Variants in C12orf42 observed in about 807,000 individuals in gnomAD.
The protein encoded by C12orf42 is chromosome 12 open reading frame 42.
C12orf42 carries 25 observed loss-of-function variants against 21.6 expected under a neutral mutation model. The observed-to-expected ratio is 1.16, with a 90% CI of 0.84 to 1.62. C12orf42 has a LOEUF of 1.62. Ranked by LOEUF, C12orf42 falls within the 40% of genes most tolerant of loss-of-function variation. The probability of loss-of-function intolerance (pLI) is 0.00; values close to 1 mark genes in which losing one functional copy is unlikely to be tolerated. For missense variants in C12orf42, 483 were observed against 459.3 expected (o/e 1.05, Z -0.47); for synonymous variants, 174 against 175.0 (o/e 0.99, Z 0.05).
chr12:103,263,796 GA>G (rs2035029689), downstream of C12orf42, among the ~76,000 whole-genome samples: 1 of 152,098 alleles, frequency 6.6e-6, no homozygotes, highest in Admixed American at 6.6e-5. Context: ...TGCAGCCTAG[GA>G]AAGGCTGCTT....
chr12:103,320,597 C>T (rs1312706603), intron 4 of C12orf42, among the ~76,000 whole-genome samples: 1 of 152,256 alleles, frequency 6.6e-6, no homozygotes, highest in East Asian at 1.9e-4. Context: ...CAATACTAAA[C>T]CTAACAGCAA....
chr12:103,269,407 A>G lies in C12orf42; in HGVS notation n.445+400T>C, dbSNP rs536103672. 8.1e-4 allele frequency among the ~76,000 whole-genome samples: 124 copies of G among 152,266 alleles called. 1 individual carries two copies. The highest frequency in any genetic ancestry group is 3.4e-3 in the Middle Eastern group (1 of 294). On this transcript the variant is annotated intron_variant and non_coding_transcript_variant, in intron 6 of 6. Transcript: ENST00000546526. ...ATCGCATTGACAGGGCCATACTCAT[A>G]TTGTGTTTCATCCCCTAAAACTCAG... is the stretch of plus-strand genomic sequence containing the variant.
chr12:103,489,354 G>A (rs1174557276), intron 1 of C12orf42, among the ~76,000 whole-genome samples: 1 of 152,176 alleles, frequency 6.6e-6, no homozygotes, highest in Non-Finnish European at 1.5e-5. Flanking sequence ...ACCTGTATGA[G>A]GTGACTGTCA....
intron 3 of C12orf42, among the ~76,000 whole-genome samples, chr12:103,397,258 T>C (rs948634168): frequency 1.3e-5 from 2 of 152,250 alleles, no homozygotes; most frequent in African/African-American, 2.4e-5. Context: ...TCTACTCTCC[T>C]GTTAATGAAC....
intron 2 of C12orf42, among the ~76,000 whole-genome samples, chr12:103,439,408 G>A (rs1442086683): frequency 0.011 from 1,553 of 145,508 alleles, 38 homozygotes; most frequent in African/African-American, 0.037. Context: ...TTGACAAATG[G>A]GATCTAATTA....
the C12orf42 span, among the ~76,000 whole-genome samples, chr12:103,183,056 G>T: frequency 6.6e-6 from 1 of 152,116 alleles, no homozygotes; most frequent in South Asian, 2.1e-4. Flanking sequence ...GTATAAAGTT[G>T]GTTTAATTGC....
chr12:103,495,927 G>A lies in C12orf42; in HGVS notation c.-47C>T, dbSNP rs1314261652. 1.3e-5 allele frequency: 2 copies of A among 152,308 alleles called. No individual in the cohort carries two copies. Among genetic ancestry groups the A allele is most frequent in the African/African-American group, 4.8e-5 (2 of 41,434 alleles). The allele number at this position is 152,308 out of a possible 1,614,324, so 9.4% of individuals were successfully genotyped here. Reference sequence around the variant, plus strand: ...CTGGAGCTGCAGGGTCCCTATCCCGGGGCGCCGCCCGCAGCCTCCTCCGCG... The same window carrying A: ...CTGGAGCTGCAGGGTCCCTATCCCGAGGCGCCGCCCGCAGCCTCCTCCGCG... On this transcript the variant is annotated 5_prime_UTR_variant, in exon 1 of 6. Coordinates refer to ENST00000548883, the MANE Select transcript of C12orf42 (RefSeq NM_198521.5).
chr12:103,472,093 C>G (rs536366187), intron 2 of C12orf42: 2 of 109,056 alleles, frequency 1.8e-5, no homozygotes, highest in East Asian at 3.1e-4. Flanking sequence ...CTTGCTCTGT[C>G]GCCCAGGCTG....
the C12orf42 span, among the ~76,000 whole-genome samples, chr12:103,514,323 T>G: frequency 6.6e-6 from 1 of 152,104 alleles, no homozygotes; most frequent in African/African-American, 2.4e-5. Context: ...CCATATCAGA[T>G]GGGTTGACAG....
chr12:103,386,723 C>T (rs1488572291), intron 3 of C12orf42, among the ~76,000 whole-genome samples: 13 of 152,206 alleles, frequency 8.5e-5, no homozygotes. Flanking sequence ...TCCCTTTCCC[C>T]AGTTGCTTTT....
chr12:103,544,536 G>C, the C12orf42 span, among the ~76,000 whole-genome samples: 3 of 152,112 alleles, frequency 2.0e-5, no homozygotes, highest in Non-Finnish European at 4.4e-5. Flanking sequence ...TAAATATGAA[G>C]CCTGATGTTT....
At chr12:103,468,403 C>T (rs1038271399) in intron 2 of C12orf42, among the ~76,000 whole-genome samples, 1 of 152,152 alleles carries the variant, frequency 6.6e-6, no homozygotes, top group Non-Finnish European at 1.5e-5. Flanking sequence ...GGACTCTAAA[C>T]GTAATGCATG....
intron 3 of C12orf42, among the ~76,000 whole-genome samples, chr12:103,393,970 C>A (rs2047299598): frequency 6.6e-6 from 1 of 152,198 alleles, no homozygotes; most frequent in Admixed American, 6.5e-5. Flanking sequence ...ATCCTCATAT[C>A]ATTTCCATAG....
chr12:103,463,312 T>A (rs140474255), intron 2 of C12orf42, among the ~76,000 whole-genome samples: 3 of 152,208 alleles, frequency 2.0e-5, no homozygotes, highest in African/African-American at 7.2e-5. Context: ...ATGTGACACA[T>A]CATGAGGTTA....
chr12:103,085,752 C>T, the C12orf42 span, among the ~76,000 whole-genome samples: 3 of 151,996 alleles, frequency 2.0e-5, no homozygotes, highest in African/African-American at 7.3e-5. Flanking sequence ...TCTTACTTTC[C>T]CCCTCCCTTG....
the C12orf42 span, among the ~76,000 whole-genome samples, chr12:103,553,431 G>A: frequency 6.6e-6 from 1 of 152,220 alleles, no homozygotes; most frequent in Non-Finnish European, 1.5e-5. Context: ...GCTTCTCTGA[G>A]CAACACAGTC....
chr12:103,145,570 G>A, the C12orf42 span, among the ~76,000 whole-genome samples: 4 of 152,062 alleles, frequency 2.6e-5, no homozygotes, highest in Non-Finnish European at 5.9e-5. Context: ...TTGACATTAC[G>A]TATCAAAAGC....
intron 2 of C12orf42, among the ~76,000 whole-genome samples, chr12:103,451,005 G>T (rs139973637): frequency 1.3e-5 from 2 of 151,872 alleles, no homozygotes; most frequent in Non-Finnish European, 2.9e-5. Context: ...AAAATTATAC[G>T]CACAGTTGTT....
chr12:103,253,878 G>T (rs1030579013), intron 10 of C12orf42, among the ~76,000 whole-genome samples: 3 of 151,426 alleles, frequency 2.0e-5, no homozygotes, highest in Admixed American at 6.6e-5. Flanking sequence ...TAGATGTTAG[G>T]CCTTTGTCAA....
Sources: allele counts gnomAD v4.1 joint callset (sites outside exome capture counted in the v4.1 genomes callset), GRCh38; gene constraint gnomAD v4.1.1; transcripts MANE v1.5; gene names NCBI Gene and HGNC (gene_info 2026-07-23, HGNC 2026-07-21).